CWC27: variants seen among roughly 807,000 people sequenced by gnomAD.
CWC27 encodes the protein spliceosome-associated protein CWC27 homolog.
A neutral mutation model predicts 63.6 loss-of-function variants in CWC27; 47 were observed. That is an observed-to-expected ratio of 0.74 (90% CI 0.58 to 0.94). CWC27 has a LOEUF of 0.94. CWC27 is among the 40% of genes least tolerant of loss of function. CWC27 has a pLI of 0.00. For missense variants in CWC27, 495 were observed against 554.3 expected (o/e 0.89, Z 1.07); for synonymous variants, 175 against 179.8 (o/e 0.97, Z 0.22).
chr5:65,017,196 CTG>C (rs1051666934), intron 13 of CWC27, among the ~76,000 whole-genome samples: 1 of 152,078 alleles, frequency 6.6e-6, no homozygotes, highest in Non-Finnish European at 1.5e-5. Flanking sequence ...TGGCAAATCT[CTG>C]TAGTCCCAGC....
In CWC27 at chr5:64,972,580, A is replaced by G. The variant is rs144245389; in HGVS notation, c.1152+768A>G. 2.1e-3 allele frequency: 828 copies of G among 401,156 alleles called. 8 individuals carry two copies. Among genetic ancestry groups the G allele is most frequent in the African/African-American group, 0.016 (760 of 47,870 alleles). The allele number at this position is 401,156 out of a possible 1,614,324, so 24.8% of individuals were successfully genotyped here. On this transcript the variant is annotated intron_variant, in intron 12 of 13. Coordinates refer to ENST00000381070, the MANE Select transcript of CWC27 (RefSeq NM_005869.4). ...TGGACACACCATTTTAGTTGTATAA[A>G]TAAAACGGGCAAAGTAAAAGTAAAT...
intron 11 of CWC27, among the ~76,000 whole-genome samples, chr5:64,916,885 T>TAG (rs1747897749): frequency 2.2e-4 from 32 of 144,066 alleles, no homozygotes; most frequent in African/African-American, 5.0e-4. Context: ...AGTAGTAGTA[T>TAG]TAGTAGTAGT....
intron 11 of CWC27, among the ~76,000 whole-genome samples, chr5:64,960,183 G>A (rs1748881378): frequency 6.7e-6 from 1 of 149,790 alleles, no homozygotes; most frequent in Non-Finnish European, 1.5e-5. Flanking sequence ...ATGCATTTTT[G>A]TGTCAGATTG....
chr5:65,013,188 G>A (rs754819071), intron 13 of CWC27, among the ~76,000 whole-genome samples: 3 of 152,216 alleles, frequency 2.0e-5, no homozygotes, highest in Non-Finnish European at 4.4e-5. Flanking sequence ...ACTAGTATGA[G>A]TGAGTGGAAA....
At chr5:64,815,457 C>A (rs1020191766) in intron 10 of CWC27, among the ~76,000 whole-genome samples, 17 of 152,152 alleles carry the variant, frequency 1.1e-4, no homozygotes, top group African/African-American at 3.9e-4. Context: ...CTGGCCAAAG[C>A]AAGTTATATC....
intron 11 of CWC27, among the ~76,000 whole-genome samples, 193 bp downstream of exon 11, chr5:64,885,739 T>TGTGTGTGTGTGTGTGTGTGTGTGTG (rs1427858737): frequency 4.1e-5 from 1 of 24,280 alleles, no homozygotes; most frequent in African/African-American, 9.6e-5. Flanking sequence ...GTGTGTGTGT[T>TGTGTGTGTGTGTGTGTGTGTGTGTG]TTTAATACTT....
At chr5:64,976,917 C>G (rs1371398988) in intron 12 of CWC27, among the ~76,000 whole-genome samples, 1 of 152,134 alleles carries the variant, frequency 6.6e-6, no homozygotes, top group Non-Finnish European at 1.5e-5. Context: ...AGTCACCTAT[C>G]TCTGAGGGGA....
intron 10 of CWC27, among the ~76,000 whole-genome samples, chr5:64,819,352 C>T (rs1042338845): frequency 2.0e-5 from 3 of 152,034 alleles, no homozygotes; most frequent in Admixed American, 6.6e-5. Flanking sequence ...TTCGTGTGTA[C>T]CCCCGAACCT....
intron 10 of CWC27, among the ~76,000 whole-genome samples, chr5:64,866,903 C>T (rs1378221055): frequency 3.3e-5 from 5 of 152,040 alleles, no homozygotes; most frequent in African/African-American, 1.2e-4. Flanking sequence ...GATTAGAGCC[C>T]ACACCTTTGA....
At chr5:64,896,748 A>T (rs115253637) in intron 11 of CWC27, among the ~76,000 whole-genome samples, 2,848 of 152,024 alleles carry the variant, frequency 0.019, 53 homozygotes, top group African/African-American at 0.052. Context: ...GATATTTTTT[A>T]AAAAAAAGAA....
At chr5:64,801,492 G>A (rs1225503065) in intron 9 of CWC27, among the ~76,000 whole-genome samples, 160 bp downstream of exon 9, 3 of 151,962 alleles carry the variant, frequency 2.0e-5, no homozygotes, top group Non-Finnish European at 2.9e-5. Flanking sequence ...TTATTTAGGT[G>A]TTAGACTATT....
chr5:64,869,555 C>G (rs950111497), intron 10 of CWC27, among the ~76,000 whole-genome samples: 4 of 151,926 alleles, frequency 2.6e-5, no homozygotes, highest in African/African-American at 9.7e-5. Flanking sequence ...AAAAACTGAC[C>G]TTTTCTACAG....
chr5:64,796,533 G>A (rs1405922571), intron 7 of CWC27, among the ~76,000 whole-genome samples: 1 of 152,060 alleles, frequency 6.6e-6, no homozygotes, highest in African/African-American at 2.4e-5. Flanking sequence ...CCCACATTAT[G>A]GAGTGTAATC....
At chr5:64,834,506 T>C (rs1278831033) in intron 10 of CWC27, among the ~76,000 whole-genome samples, 1 of 151,778 alleles carries the variant, frequency 6.6e-6, no homozygotes, top group African/African-American at 2.4e-5. Flanking sequence ...GAAACACCTT[T>C]CACTCTAAGT....
chr5:64,831,784 A>G (rs1429817557), intron 10 of CWC27, among the ~76,000 whole-genome samples: 1 of 151,918 alleles, frequency 6.6e-6, no homozygotes, highest in Non-Finnish European at 1.5e-5. Flanking sequence ...TACATTTTAG[A>G]AAAAAATAAC....
intron 6 of CWC27, among the ~76,000 whole-genome samples, chr5:64,787,713 A>C (rs1743936554): frequency 6.6e-6 from 1 of 152,106 alleles, no homozygotes; most frequent in Non-Finnish European, 1.5e-5. Flanking sequence ...TATACTGCAG[A>C]GTTAGATTTC....
intron 11 of CWC27, among the ~76,000 whole-genome samples, chr5:64,913,316 C>CA (rs1747827381): frequency 6.6e-6 from 1 of 152,018 alleles, no homozygotes; most frequent in African/African-American, 2.4e-5. Flanking sequence ...TCAAATAACA[C>CA]ACACTATAAC....
rs1184306404 is a variant in CWC27 at position 65,004,385 on chromosome 5, T to C, written c.1257-13774T>C. Reference sequence around the variant, plus strand: ...TCCCATATGTTGTATAGGCTTTTTTTTTTTTTTTTTTTTGGTGGGGGGGTG... The same window carrying C: ...TCCCATATGTTGTATAGGCTTTTTTCTTTTTTTTTTTTTGGTGGGGGGGTG... On this transcript the variant is annotated intron_variant, in intron 13 of 13. Coordinates refer to ENST00000381070, the MANE Select transcript of CWC27 (RefSeq NM_005869.4). Among the ~76,000 whole-genome samples the C allele has an allele frequency of 3.2e-5, 4 of 126,516 alleles. No individual in the cohort carries two copies. In the East Asian group the frequency reaches 7.8e-4, roughly 25 times the overall value. The allele number at this position is 126,516 out of a possible 152,430, so 83.0% of individuals were successfully genotyped here. A position where few individuals can be genotyped will look rare whatever the true frequency, so the allele number is the denominator to read the frequency against.
At chr5:64,779,568 G>A (rs763272761) in intron 2 of CWC27, among the ~76,000 whole-genome samples, 1 of 152,158 alleles carries the variant, frequency 6.6e-6, no homozygotes, top group African/African-American at 2.4e-5. Flanking sequence ...AAAGTGTACA[G>A]TTCAACATCA....
Sources: allele counts gnomAD v4.1 joint callset (sites outside exome capture counted in the v4.1 genomes callset), GRCh38; gene constraint gnomAD v4.1.1; transcripts MANE v1.5; gene names NCBI Gene and HGNC (gene_info 2026-07-23, HGNC 2026-07-21).